The following DIAPH2 variants were observed in gnomAD, a reference collection of about 807,000 sequenced individuals.
The protein encoded by DIAPH2 is protein diaphanous homolog 2.
A neutral mutation model predicts 92.7 loss-of-function variants in DIAPH2; 35 were observed. The ratio of observed to expected loss-of-function variants is 0.38; its 90% CI spans 0.29 to 0.50. The LOEUF (loss-of-function observed/expected upper bound fraction) is 0.50. DIAPH2 is among the 20% of genes least tolerant of loss of function. The pLI is 0.94. For missense variants in DIAPH2, 701 were observed against 819.5 expected (o/e 0.86, Z 1.77); for synonymous variants, 301 against 280.4 (o/e 1.07, Z -0.73).
At chrX:96,990,568 T>C (rs1187915778) in intron 17 of DIAPH2, among the ~76,000 whole-genome samples, 2 of 111,654 alleles carry the variant, frequency 1.8e-5, no homozygotes, top group African/African-American at 6.5e-5. Context: ...AATTTTTTTT[T>C]CGAAAAAGTT....
chrX:96,706,004 G>A (rs758637693), intron 1 of DIAPH2, among the ~76,000 whole-genome samples: 1 of 112,555 alleles, frequency 8.9e-6, no homozygotes, highest in South Asian at 3.6e-4. Flanking sequence ...GTTTGGTTTG[G>A]CTTTCAGTAT....
At chrX:97,275,293 G>T (rs1203879801) in intron 23 of DIAPH2, among the ~76,000 whole-genome samples, 1 of 81,598 alleles carries the variant, frequency 1.2e-5, no homozygotes, top group Non-Finnish European at 2.4e-5. Flanking sequence ...CCTCCCTCCC[G>T]GGAGGGGCGG....
intron 17 of DIAPH2, among the ~76,000 whole-genome samples, chrX:97,034,867 A>C (rs957968124): frequency 6.3e-5 from 7 of 111,517 alleles, no homozygotes; most frequent in African/African-American, 2.3e-4. Flanking sequence ...GTCCCCATTA[A>C]AAAGAATAAG....
At chrX:97,378,712 A>G (rs1180466224) in intron 24 of DIAPH2, among the ~76,000 whole-genome samples, 2 of 111,232 alleles carry the variant, frequency 1.8e-5, no homozygotes, top group African/African-American at 6.5e-5. Context: ...CCCTGACTCT[A>G]AAAAAAATTG....
intron 4 of DIAPH2, among the ~76,000 whole-genome samples, chrX:96,872,221 T>G (rs762324658): frequency 9.0e-6 from 1 of 111,344 alleles, no homozygotes; most frequent in East Asian, 2.8e-4. Context: ...TAAACTATAC[T>G]TTTGTACCCA....
chrX:97,373,882 G>A (rs901083812), intron 24 of DIAPH2, among the ~76,000 whole-genome samples: 3 of 110,544 alleles, frequency 2.7e-5, no homozygotes, highest in Admixed American at 1.9e-4. Flanking sequence ...AATTACAGGC[G>A]TGAGCCACTG....
chrX:97,194,541 C>T (rs5921576), intron 22 of DIAPH2, among the ~76,000 whole-genome samples: 4,247 of 111,026 alleles, frequency 0.038, 59 homozygotes, highest in African/African-American at 0.048. Context: ...ACCTTGGCCT[C>T]CCAAAGTGCT....
intron 4 of DIAPH2, among the ~76,000 whole-genome samples, chrX:96,813,471 T>C (rs1021856103): frequency 1.8e-5 from 2 of 111,410 alleles, no homozygotes; most frequent in Non-Finnish European, 3.8e-5. Flanking sequence ...TCTTGACTCT[T>C]TATCCAATTT....
intron 26 of DIAPH2, among the ~76,000 whole-genome samples, chrX:97,484,575 G>T (rs373292052): frequency 1.8e-5 from 2 of 111,755 alleles, no homozygotes; most frequent in African/African-American, 3.2e-5. Flanking sequence ...TAACATAGAC[G>T]GTACTTTTCC....
At chrX:96,775,353 T>TTGTGTGTGTG (rs60441028) in intron 4 of DIAPH2, among the ~76,000 whole-genome samples, 4,214 of 89,275 alleles carry the variant, frequency 0.047, 129 homozygotes, top group East Asian at 0.14. Context: ...CAACGTGTGC[T>TTGTGTGTGTG]TGTGTGTGTG....
chrX:97,507,141 CAAAAAAAA>C (rs397896097), intron 26 of DIAPH2, among the ~76,000 whole-genome samples: 40 of 31,120 alleles, frequency 1.3e-3, no homozygotes, highest in South Asian at 0.01. Context: ...ACAAAACCGA[CAAAAAAAA>C]AAAAAAAAAA....
At chrX:97,298,493 G>C (rs1318596133) in intron 23 of DIAPH2, among the ~76,000 whole-genome samples, 1 of 109,534 alleles carries the variant, frequency 9.1e-6, no homozygotes, top group African/African-American at 3.3e-5. Context: ...TGAATAGTCA[G>C]AAGTATAGAA....
At chrX:96,798,461 C>CT (rs953940228) in intron 4 of DIAPH2, among the ~76,000 whole-genome samples, 6 of 108,414 alleles carry the variant, frequency 5.5e-5, no homozygotes, top group Non-Finnish European at 1.2e-4. Flanking sequence ...CATTTGATTT[C>CT]TTTTTTTTTG....
intron 23 of DIAPH2, among the ~76,000 whole-genome samples, chrX:97,269,256 A>C (rs190981208): frequency 9.0e-6 from 1 of 111,701 alleles, no homozygotes; most frequent in Admixed American, 9.6e-5. Flanking sequence ...GCACACAAAC[A>C]ATTATAAAAT....
chrX:97,068,533 G>T (rs1602318625), intron 17 of DIAPH2, among the ~76,000 whole-genome samples: 2 of 110,997 alleles, frequency 1.8e-5, no homozygotes, highest in Admixed American at 1.9e-4. Flanking sequence ...AGGTGATTCA[G>T]AATACAGTAG....
intron 26 of DIAPH2, among the ~76,000 whole-genome samples, chrX:97,575,815 G>A (rs2071396539): frequency 8.9e-6 from 1 of 111,758 alleles, no homozygotes; most frequent in Non-Finnish European, 1.9e-5. Flanking sequence ...CATACCCCTG[G>A]GAAGTAGCTC....
chrX:97,061,813 C>CAAAAA (rs11364777), intron 17 of DIAPH2, among the ~76,000 whole-genome samples: 1 of 38,734 alleles, frequency 2.6e-5, no homozygotes. Flanking sequence ...GACTCCGTCT[C>CAAAAA]AAAAAAAAAA....
At chrX:96,750,942 A>C (rs1397844421) in intron 3 of DIAPH2, among the ~76,000 whole-genome samples, 3 of 112,422 alleles carry the variant, frequency 2.7e-5, no homozygotes, top group Non-Finnish European at 5.6e-5. Context: ...ACCTTTTGTC[A>C]GTTGTTATTA....
chrX:96,971,116 C>T (rs892736094), intron 17 of DIAPH2, among the ~76,000 whole-genome samples: 3 of 111,638 alleles, frequency 2.7e-5, no homozygotes, highest in African/African-American at 9.8e-5. Context: ...TAGAGTTAGT[C>T]TGGATCTTAG....
Sources: allele counts gnomAD v4.1 joint callset (sites outside exome capture counted in the v4.1 genomes callset), GRCh38; gene constraint gnomAD v4.1.1; transcripts MANE v1.5; gene names NCBI Gene and HGNC (gene_info 2026-07-23, HGNC 2026-07-21).